Variants in BFSP1 observed in about 807,000 individuals in gnomAD.
BFSP1 encodes the protein filensin.
BFSP1 carries 38 observed loss-of-function variants against 43.9 expected under a neutral mutation model. That is an observed-to-expected ratio of 0.87 (90% CI 0.67 to 1.14). BFSP1 has a LOEUF of 1.14. BFSP1 is among the 50% of genes most tolerant of loss of function. The pLI is 0.00. For synonymous variants in BFSP1, 352 were observed against 354.8 expected (o/e 0.99, Z 0.09); for missense variants, 850 against 875.1 (o/e 0.97, Z 0.36).
At chr20:17,509,133 T>C in intron 4 of BFSP1, 137 bp from the exon 5 acceptor site, 1 of 621,406 alleles carries the variant, frequency 1.6e-6, no homozygotes, top group Non-Finnish European at 2.5e-6. Context: ...ACTCCCAAGA[T>C]GAAGGTTTTA....
Position 17,525,045 on chromosome 20 carries a change from C to G in BFSP1, c.378-137G>C. The G allele has an allele frequency of 1.3e-6, 1 of 742,870 alleles. No individual in the cohort carries two copies. The highest frequency in any genetic ancestry group is 1.6e-5 in the South Asian group (1 of 64,288). 46.0% of individuals were successfully genotyped at this position (742,870 alleles called of 1,614,324 possible). ...GAGGGTCTTAATTTTAAAGTAGTAG[C>G]TAACGAATGCTGCATTTCCTAGCTG... On this transcript the variant is annotated intron_variant, in intron 1 of 7. Transcript: ENST00000377873. The surrounding 1 kb of genome is among the most constrained non-coding windows in gnomAD (Gnocchi z 4.2).
chr20:17,513,838 A>C (rs1318928816), intron 3 of BFSP1, among the ~76,000 whole-genome samples: 1 of 152,230 alleles, frequency 6.6e-6, no homozygotes. Context: ...CACTGTGGGC[A>C]CCTGGAGCTC....
Position 17,494,956 on chromosome 20 carries a change from C to T in BFSP1, c.1116G>A (p.Arg372=), listed in dbSNP as rs1193490981. ...RQKALPKNVP[R]RKEIITKDKT... ...TGTCTTTTGTTATAATCTCTTTTCT[C>T]CTTGGAACATTCTTGGGGAGGGCTT... is the stretch of plus-strand genomic sequence containing the variant. The change falls in exon 8 of 8, where the codon AGG becomes AGA. Residue 372 remains arginine (R), a synonymous_variant. Coordinates refer to ENST00000377873, the MANE Select transcript of BFSP1 (RefSeq NM_001195.5). 6.2e-7 allele frequency: 1 copy of T among 1,614,156 alleles called. No homozygotes were observed. Among genetic ancestry groups the T allele is most frequent in the Admixed American group, 1.7e-5 (1 of 60,024 alleles).
chr20:17,534,960 G>A (rs1288265602), upstream of BFSP1, among the ~76,000 whole-genome samples: 1 of 152,062 alleles, frequency 6.6e-6, no homozygotes, highest in Non-Finnish European at 1.5e-5. Context: ...GGTAGAGGTT[G>A]CAGTGAGCCA....
At chr20:17,539,882 T>A (rs2034689079) in intron 1 of BFSP1, among the ~76,000 whole-genome samples, 1 of 152,186 alleles carries the variant, frequency 6.6e-6, no homozygotes, top group African/African-American at 2.4e-5. Context: ...CAAGAGAACA[T>A]GTTCTATCTT....
intron 4 of BFSP1, among the ~76,000 whole-genome samples, chr20:17,510,652 A>C (rs1018297474): frequency 6.6e-6 from 1 of 152,224 alleles, no homozygotes; most frequent in Non-Finnish European, 1.5e-5. Context: ...AAAATAATTA[A>C]GACGAAAAAG....
upstream of BFSP1, among the ~76,000 whole-genome samples, chr20:17,531,834 TTGG>T (rs1463902832): frequency 1.3e-5 from 2 of 152,236 alleles, no homozygotes; most frequent in Non-Finnish European, 2.9e-5. Flanking sequence ...TTTTTTTCTT[TTGG>T]TCTTTTTTAT....
chr20:17,522,472 T>A (rs1003057909), intron 2 of BFSP1, among the ~76,000 whole-genome samples: 1 of 152,258 alleles, frequency 6.6e-6, no homozygotes, highest in Non-Finnish European at 1.5e-5. Context: ...CTGCATCTTA[T>A]TCACTCTGTA....
chr20:17,530,201 C>G (rs1412006548), intron 1 of BFSP1, among the ~76,000 whole-genome samples: 1 of 152,186 alleles, frequency 6.6e-6, no homozygotes, highest in Non-Finnish European at 1.5e-5. Flanking sequence ...TATCAAGACA[C>G]TAGAGGACAC....
intron 5 of BFSP1, among the ~76,000 whole-genome samples, chr20:17,506,596 T>C (rs2033944530): frequency 6.6e-6 from 1 of 150,950 alleles, no homozygotes; most frequent in Non-Finnish European, 1.5e-5. Context: ...CAGTCTCAGC[T>C]CACTGCAGCC....
chr20:17,507,842 G>A lies in BFSP1; in HGVS notation c.735+1047C>T, dbSNP rs1283032627. On this transcript the variant is annotated intron_variant, in intron 5 of 7. Transcript: ENST00000377873. This position sits in a 1 kb window ranked among gnomAD's most constrained non-coding sequence, Gnocchi z 4.4. Reference sequence around the variant, plus strand: ...ATCGTCAGTTCAGGGGACCACCACAGACCCGGGTTTGCTTTCCAGCAGCCC... The same window carrying A: ...ATCGTCAGTTCAGGGGACCACCACAAACCCGGGTTTGCTTTCCAGCAGCCC... Among the ~76,000 whole-genome samples, 2 of 152,276 alleles carry A rather than the reference G, an allele frequency of 1.3e-5. No individual in the cohort carries two copies. Among genetic ancestry groups the A allele is most frequent in the East Asian group, 3.9e-4 (2 of 5,184 alleles).
At chr20:17,516,372 G>A (rs1007237271) in intron 2 of BFSP1, among the ~76,000 whole-genome samples, 1 of 152,120 alleles carries the variant, frequency 6.6e-6, no homozygotes, top group East Asian at 1.9e-4. Context: ...AAGGCACTTG[G>A]TTCCTTAATT....
Position 17,531,182 on chromosome 20 carries a change from G to T in BFSP1, c.148C>A (p.Arg50Ser), listed in dbSNP as rs1447546634. The change falls in exon 1 of 8, where the codon CGC becomes AGC. Residue 50 changes from arginine to serine, a missense_variant. Physicochemically the swap from Arg to Ser is moderately radical, Grantham distance 110. Coordinates refer to ENST00000377873, the MANE Select transcript of BFSP1 (RefSeq NM_001195.5). The part of the protein sequence containing the change: ...SLAALQGLGE[R>S]VAAHVQRARA... ...GCCCGCTGGACGTGGGCGGCCACGC[G>T]CTCGCCGAGCCCCTGCAGCGCCGCC... 12 of 1,290,134 alleles carry T rather than the reference G, an allele frequency of 9.3e-6. No individual in the cohort carries two copies. The highest frequency in any genetic ancestry group is 9.8e-6 in the Non-Finnish European group (10 of 1,021,318). The allele number at this position is 1,290,134 out of a possible 1,614,324, so 79.9% of individuals were successfully genotyped here.
chr20:17,495,885 C>T (rs570736319), intron 7 of BFSP1, among the ~76,000 whole-genome samples: 4 of 151,968 alleles, frequency 2.6e-5, no homozygotes, highest in East Asian at 3.9e-4. Flanking sequence ...GCATCAAGCA[C>T]GGCTGATTCA....
chr20:17,533,583 T>C (rs2034583188), upstream of BFSP1, among the ~76,000 whole-genome samples: 1 of 152,186 alleles, frequency 6.6e-6, no homozygotes, highest in South Asian at 2.1e-4. Flanking sequence ...TCCCAGGCCT[T>C]TGTTTGCATC....
chr20:17,503,676 C>T (rs1600638508), intron 5 of BFSP1, among the ~76,000 whole-genome samples: 1 of 152,326 alleles, frequency 6.6e-6, no homozygotes, highest in African/African-American at 2.4e-5. Flanking sequence ...ACCAGGCCAC[C>T]CTTGCCCTGC....
At chr20:17,528,152 T>C (rs1298800884) in intron 1 of BFSP1, among the ~76,000 whole-genome samples, 1 of 152,216 alleles carries the variant, frequency 6.6e-6, no homozygotes, top group Non-Finnish European at 1.5e-5. Context: ...TGTGTGCCTA[T>C]GGATGTGGAT....
At chr20:17,532,302 G>A (rs2034559555), upstream of BFSP1, among the ~76,000 whole-genome samples, 1 of 151,962 alleles carries the variant, frequency 6.6e-6, no homozygotes, top group Non-Finnish European at 1.5e-5. Flanking sequence ...CTACCTGGGA[G>A]GCTGAGGCAG....
In BFSP1 at chr20:17,494,057, C is replaced by T. The variant is rs538670887; in HGVS notation, c.*17G>A. ...CAGTGGCCCCAAATACATTTTATCCCATCAAGCCTGGGCATTTTAAGAGCT... is the reference window on the plus strand; with the variant it reads ...CAGTGGCCCCAAATACATTTTATCCTATCAAGCCTGGGCATTTTAAGAGCT... On this transcript the variant is annotated 3_prime_UTR_variant, in exon 8 of 8. Transcript: ENST00000377873. 1 of 1,594,352 alleles carries T rather than the reference C, an allele frequency of 6.3e-7. No homozygotes were observed. Among genetic ancestry groups the T allele is most frequent in the Non-Finnish European group, 8.6e-7 (1 of 1,168,010 alleles).
Sources: allele counts gnomAD v4.1 joint callset (sites outside exome capture counted in the v4.1 genomes callset), GRCh38; gene constraint gnomAD v4.1.1; non-coding constraint Gnocchi (gnomAD v3.1); transcripts MANE v1.5; gene names NCBI Gene and HGNC (gene_info 2026-07-23, HGNC 2026-07-21).